The following RPS6KA2 variants were observed in gnomAD, a reference collection of about 807,000 sequenced individuals.
RPS6KA2 encodes the protein ribosomal protein S6 kinase alpha-2.
Under a neutral mutation model 91.8 loss-of-function variants are expected in RPS6KA2, and 42 were observed. That is an observed-to-expected ratio of 0.46 (90% CI 0.36 to 0.59). The LOEUF is 0.59. Ranked by LOEUF, RPS6KA2 falls within the 20% of genes least tolerant of loss-of-function variation. The probability of loss-of-function intolerance (pLI) is 0.00; values close to 1 mark genes in which losing one functional copy is unlikely to be tolerated. For synonymous variants in RPS6KA2, 414 were observed against 393.6 expected (o/e 1.05, Z -0.61); for missense variants, 798 against 978.5 (o/e 0.82, Z 2.46).
chr6:166,807,804 G>A lies in RPS6KA2; in HGVS notation c.123+50396C>T, dbSNP rs373914620. Among the ~76,000 whole-genome samples the A allele has an allele frequency of 1.8e-3, 280 of 152,130 alleles. 1 individual carries two copies. Among genetic ancestry groups the A allele is most frequent in the African/African-American group, 6.4e-3 (266 of 41,484 alleles). ...TCCTGGGCTTCCTCAGTCTTCATTC[G>A]TAAGGCCTTCCCTCAACACCTGTTT... On this transcript the variant is annotated intron_variant, in intron 2 of 21. Coordinates refer to the RPS6KA2 transcript ENST00000503859.
intron 1 of RPS6KA2, among the ~76,000 whole-genome samples, chr6:166,606,320 C>T (rs1785954889): frequency 6.6e-6 from 1 of 152,212 alleles, no homozygotes; most frequent in Admixed American, 6.5e-5. Context: ...CTGAATAGCC[C>T]TCTTGCCTTC....
Position 166,641,719 on chromosome 6 carries a change from C to CAAAAAAAAAAAAAAAAAAAAA in RPS6KA2, c.124-102956_124-102936dup, listed in dbSNP as rs71032871. Among the ~76,000 whole-genome samples the CAAAAAAAAAAAAAAAAAAAAA allele has an allele frequency of 2.5e-4, 7 of 28,548 alleles. 1 individual carries two copies. Among genetic ancestry groups the CAAAAAAAAAAAAAAAAAAAAA allele is most frequent in the African/African-American group, 3.4e-4 (4 of 11,686 alleles). The allele number at this position is 28,548 out of a possible 152,430, so 18.7% of individuals were successfully genotyped here. On this transcript the variant is annotated intron_variant, in intron 2 of 21. Transcript: ENST00000503859. ...TGGGTAAAAGAGTGAGACTCTGTCA[C>CAAAAAAAAAAAAAAAAAAAAA]AAAAAAAAAAAAAAAAAAAAAAAAA...
intron 3 of RPS6KA2, among the ~76,000 whole-genome samples, chr6:166,512,692 T>C (rs1369100624): frequency 6.6e-6 from 1 of 152,160 alleles, no homozygotes; most frequent in Non-Finnish European, 1.5e-5. Context: ...ACTGTCAGTG[T>C]CACTGTGCCC....
rs577287822 is a variant in RPS6KA2, at chr6:166,699,960, T to C, written c.123+158240A>G. ...GTAGCCTTTTGTTGCCTTTAAACACTGTCACACCATCTATGACTGTCCCAT... is the reference window on the plus strand; with the variant it reads ...GTAGCCTTTTGTTGCCTTTAAACACCGTCACACCATCTATGACTGTCCCAT... On this transcript the variant is annotated intron_variant, in intron 2 of 21. Transcript: ENST00000503859. 2.4e-4 allele frequency among the ~76,000 whole-genome samples: 36 copies of C among 152,374 alleles called. 1 individual carries two copies. Among genetic ancestry groups the C allele is most frequent in the African/African-American group, 8.7e-4 (36 of 41,586 alleles).
intron 2 of RPS6KA2, among the ~76,000 whole-genome samples, chr6:166,748,031 G>A (rs548347871): frequency 2.0e-5 from 3 of 152,314 alleles, no homozygotes; most frequent in Admixed American, 1.3e-4. Flanking sequence ...ATCTGCAGGA[G>A]CCTGGAAATG....
At chr6:166,634,358 C>G (rs951819081) in intron 2 of RPS6KA2, among the ~76,000 whole-genome samples, 2 of 152,182 alleles carry the variant, frequency 1.3e-5, no homozygotes, top group Non-Finnish European at 2.9e-5. Context: ...TGGGGCCGGA[C>G]GTTTCCAGGA....
chr6:166,541,588 CT>C (rs1583260029), intron 1 of RPS6KA2, among the ~76,000 whole-genome samples: 1 of 152,204 alleles, frequency 6.6e-6, no homozygotes, highest in Non-Finnish European at 1.5e-5. Context: ...GGGTGTTCCC[CT>C]GCTCCCAGTC....
chr6:166,594,846 T>A (rs566196742), intron 1 of RPS6KA2, among the ~76,000 whole-genome samples: 1 of 152,294 alleles, frequency 6.6e-6, no homozygotes, highest in South Asian at 2.1e-4. Context: ...AACACCAAAG[T>A]TCTTTCCATC....
At chr6:166,515,167 A>C (rs924507169) in intron 3 of RPS6KA2, among the ~76,000 whole-genome samples, 3 of 152,180 alleles carry the variant, frequency 2.0e-5, no homozygotes, top group African/African-American at 7.2e-5. Context: ...GAAGACCTGG[A>C]GGAGACAGAC....
At chr6:166,761,073 T>C in intron 2 of RPS6KA2, among the ~76,000 whole-genome samples, 1 of 152,236 alleles carries the variant, frequency 6.6e-6, no homozygotes. Context: ...TTGCCTTTTA[T>C]TCATTTCTGA....
rs1483417062 is a variant in RPS6KA2, at chr6:166,821,038, G to A, written c.123+37162C>T. On this transcript the variant is annotated intron_variant, in intron 2 of 21. Transcript: ENST00000503859. This position sits in a 1 kb window ranked among gnomAD's most constrained non-coding sequence, Gnocchi z 4.1. ...GAGCCAAGGGCAGGGACAAGCAGGT[G>A]TCTTGGAATGATGGGTCCAGGGCTA... Among the ~76,000 whole-genome samples, 1 of 152,178 alleles carries A rather than the reference G, an allele frequency of 6.6e-6. No individual in the cohort carries two copies. Among genetic ancestry groups the A allele is most frequent in the Non-Finnish European group, 1.5e-5 (1 of 68,030 alleles).
chr6:166,439,494 GA>G (rs2128449842), intron 14 of RPS6KA2, among the ~76,000 whole-genome samples: 1 of 152,360 alleles, frequency 6.6e-6, no homozygotes, highest in East Asian at 1.9e-4. Context: ...ATTGTGTGCT[GA>G]AATTGAGTGA....
At chr6:166,484,407 A>G (rs1414400604) in intron 10 of RPS6KA2, among the ~76,000 whole-genome samples, 1 of 152,206 alleles carries the variant, frequency 6.6e-6, no homozygotes, top group African/African-American at 2.4e-5. Context: ...CTCCAACCAC[A>G]GATGCTTGTT....
At chr6:166,788,482 T>C (rs1423321141) in intron 2 of RPS6KA2, among the ~76,000 whole-genome samples, 1 of 152,186 alleles carries the variant, frequency 6.6e-6, no homozygotes, top group African/African-American at 2.4e-5. Flanking sequence ...GTGGTACATA[T>C]ACACCATGGA....
chr6:166,461,130 G>A (rs1271602647), intron 11 of RPS6KA2, among the ~76,000 whole-genome samples: 1 of 152,184 alleles, frequency 6.6e-6, no homozygotes, highest in Non-Finnish European at 1.5e-5. Context: ...ATGTGCAAGA[G>A]CTCAGGGCGT....
chr6:166,633,478 T>C (rs537452914), intron 2 of RPS6KA2, among the ~76,000 whole-genome samples: 1 of 152,346 alleles, frequency 6.6e-6, no homozygotes, highest in South Asian at 2.1e-4. Context: ...GCCAAACCGC[T>C]TTGAGGCTTA....
intron 8 of RPS6KA2, among the ~76,000 whole-genome samples, chr6:166,496,506 A>C (rs1478810552): frequency 6.6e-6 from 1 of 152,128 alleles, no homozygotes; most frequent in African/African-American, 2.4e-5. Context: ...AAACCTCACA[A>C]AACTAAGTCC....
At position 166,412,675 on chromosome 6, in the gene RPS6KA2, A is replaced by C. The variant is rs1778348997; in HGVS notation, c.*87T>G. 1 of 1,344,698 alleles carries C rather than the reference A, an allele frequency of 7.4e-7. No individual in the cohort carries two copies. The highest frequency in any genetic ancestry group is 1.0e-6 in the Non-Finnish European group (1 of 1,003,548). 83.3% of individuals were successfully genotyped at this position (1,344,698 alleles called of 1,614,324 possible). On this transcript the variant is annotated 3_prime_UTR_variant, in exon 21 of 21. Transcript: ENST00000265678. This position sits in a 1 kb window ranked among gnomAD's most constrained non-coding sequence, Gnocchi z 4.3. Reference sequence around the variant, plus strand: ...CCGCCTCCCTGCTGGACTTGTGGTCACTCTGGGTGCCAGACGGGCTCCGAG... The same window carrying C: ...CCGCCTCCCTGCTGGACTTGTGGTCCCTCTGGGTGCCAGACGGGCTCCGAG...
rs1562437241 is a variant in RPS6KA2, at chr6:166,783,833, TGC to T, written c.123+74365_123+74366del. Among the ~76,000 whole-genome samples, 11 of 78,012 alleles carry T rather than the reference TGC, an allele frequency of 1.4e-4. 1 individual carries two copies. Among genetic ancestry groups the T allele is most frequent in the East Asian group, 1.1e-3 (2 of 1,888 alleles). The allele number at this position is 78,012 out of a possible 152,430, so 51.2% of individuals were successfully genotyped here. On this transcript the variant is annotated intron_variant, in intron 2 of 21. Coordinates refer to the RPS6KA2 transcript ENST00000503859. ...TTACCTGTAACCACATATGCACACG[TGC>T]ACACCTATCTATACCACATATGCAC...
Sources: gnomAD v4.1 joint callset for allele counts (sites outside exome capture counted in the v4.1 genomes callset) on GRCh38, gnomAD v4.1.1 for gene constraint, Gnocchi (gnomAD v3.1) non-coding constraint, MANE v1.5 for transcripts, NCBI Gene and HGNC (gene_info 2026-07-23, HGNC 2026-07-21) for gene names.